ENOX2: variants seen among roughly 807,000 people sequenced by gnomAD.
ENOX2 encodes the protein APK1 antigen.
In ENOX2, 36 loss-of-function variants were observed where a neutral mutation model predicts 45.0. That is an observed-to-expected ratio of 0.80 (90% CI 0.61 to 1.06). The LOEUF (loss-of-function observed/expected upper bound fraction) is 1.06. Ranked by LOEUF, ENOX2 falls within the 50% of genes least tolerant of loss-of-function variation. The probability of loss-of-function intolerance (pLI) is 0.00; values close to 1 mark genes in which losing one functional copy is unlikely to be tolerated. For synonymous variants in ENOX2, 174 were observed against 152.3 expected (o/e 1.14, Z -1.05); for missense variants, 423 against 462.5 (o/e 0.91, Z 0.78).
intron 2 of ENOX2, among the ~76,000 whole-genome samples, chrX:130,875,897 AT>A (rs1450165704): frequency 8.9e-6 from 1 of 112,465 alleles, no homozygotes; most frequent in Non-Finnish European, 1.9e-5. Context: ...CAAAACCACA[AT>A]AAGACACCAC....
chrX:130,689,451 T>G (rs1041199842), intron 4 of ENOX2, among the ~76,000 whole-genome samples: 2 of 112,385 alleles, frequency 1.8e-5, no homozygotes, highest in Non-Finnish European at 3.8e-5. Flanking sequence ...GTCTACCATT[T>G]GCTTAGCAGG....
intron 3 of ENOX2, among the ~76,000 whole-genome samples, chrX:130,708,843 T>C (rs1342614679): frequency 1.8e-5 from 2 of 111,939 alleles, no homozygotes; most frequent in Admixed American, 9.5e-5. Flanking sequence ...TTTTGAGGGC[T>C]GAGTGTTAAA....
chrX:130,750,432 C>T (rs1341731954), intron 3 of ENOX2, among the ~76,000 whole-genome samples: 4 of 111,687 alleles, frequency 3.6e-5, no homozygotes, highest in Non-Finnish European at 7.5e-5. Flanking sequence ...GCCTGTCTGT[C>T]CACTTGTTTC....
chrX:130,669,475 C>A (rs974992240), intron 7 of ENOX2, among the ~76,000 whole-genome samples: 1 of 111,998 alleles, frequency 8.9e-6, no homozygotes, highest in African/African-American at 3.2e-5. Flanking sequence ...TTTGAGTCAT[C>A]TAAGAAGAAT....
intron 2 of ENOX2, among the ~76,000 whole-genome samples, chrX:130,844,303 T>C (rs1165536394): frequency 8.9e-6 from 1 of 111,853 alleles, no homozygotes; most frequent in Non-Finnish European, 1.9e-5. Context: ...TTGCCTGTCA[T>C]CCAGATGGCA....
At chrX:130,654,754 T>C (rs903883749) in intron 10 of ENOX2, among the ~76,000 whole-genome samples, 5 of 112,495 alleles carry the variant, frequency 4.4e-5, no homozygotes, top group Non-Finnish European at 9.4e-5. Context: ...CATCCTGGCA[T>C]GTGGAACAGG....
intron 2 of ENOX2, among the ~76,000 whole-genome samples, chrX:130,797,295 T>A (rs1219872672): frequency 9.0e-6 from 1 of 111,534 alleles, no homozygotes; most frequent in Non-Finnish European, 1.9e-5. Flanking sequence ...TTCCAAAAAA[T>A]GCCTTAAAGA....
At chrX:130,694,293 A>G (rs1405687837) in intron 4 of ENOX2, among the ~76,000 whole-genome samples, 1 of 112,010 alleles carries the variant, frequency 8.9e-6, no homozygotes, top group East Asian at 2.8e-4. Flanking sequence ...TAAACAGCCA[A>G]ACTAGACTGA....
At position 130,641,616 on chromosome X, in the gene ENOX2, C is replaced by T. The variant is rs761539996; in HGVS notation, c.1130-4206G>A. ...CCTGTAATCCCAGCTACTCAGGAGG[C>T]TGAGGCAGGATAATCGTTTGAATCT... On this transcript the variant is annotated intron_variant, in intron 10 of 14. Transcript: ENST00000394363. Among the ~76,000 whole-genome samples, 6 of 104,553 alleles carry T rather than the reference C, an allele frequency of 5.7e-5. No homozygotes were observed. In the East Asian group the frequency reaches 1.5e-3, roughly 26 times the overall value. The allele number at this position is 104,553 out of a possible 115,157, so 90.8% of individuals were successfully genotyped here. A position where few individuals can be genotyped will look rare whatever the true frequency, so the allele number is the denominator to read the frequency against.
chrX:130,705,199 A>G (rs1021271591), intron 3 of ENOX2, among the ~76,000 whole-genome samples: 2 of 112,114 alleles, frequency 1.8e-5, no homozygotes, highest in Non-Finnish European at 3.8e-5. Context: ...CTGGGACCCA[A>G]TGCCAAAAAT....
In ENOX2 at chrX:130,837,543, T is replaced by C. The variant is rs765818869; in HGVS notation, c.-182-53853A>G. Among the ~76,000 whole-genome samples the C allele has an allele frequency of 3.2e-3, 362 of 111,900 alleles. 1 individual carries two copies. Among genetic ancestry groups the C allele is most frequent in the Non-Finnish European group, 5.4e-3 (286 of 53,134 alleles). On this transcript the variant is annotated intron_variant, in intron 2 of 14. Transcript: ENST00000394363. ...AGTGGCATCTAGACATACTTAAACA[T>C]GTTCAGGACTGGAAAAGTCCTTGCT...
At chrX:130,746,239 C>CA (rs770269455) in intron 3 of ENOX2, among the ~76,000 whole-genome samples, 1 of 112,154 alleles carries the variant, frequency 8.9e-6, no homozygotes, top group Non-Finnish European at 1.9e-5. Context: ...ACACTGTACT[C>CA]ACCATTTTTC....
rs931705403 is a variant in ENOX2 at position 130,660,492 on chromosome X, G to T, written c.1015-3797C>A. On this transcript the variant is annotated intron_variant, in intron 9 of 14. Coordinates refer to ENST00000394363, the MANE Select transcript of ENOX2 (RefSeq NM_006375.4). ...CCTTCAGAGTGAAGGGCTGAAAGGT[G>T]ACATGAACCCCAGGAAGGCATTCTA... Among the ~76,000 whole-genome samples, 15 of 111,796 alleles carry T rather than the reference G, an allele frequency of 1.3e-4. No individual in the cohort carries two copies. The South Asian group carries it at 3.4e-3, about 26-fold the overall frequency.
intron 14 of ENOX2, 88 bp from the exon 15 acceptor site, chrX:130,625,533 G>T: frequency 1.0e-6 from 1 of 957,616 alleles, no homozygotes; most frequent in Non-Finnish European, 1.4e-6. Context: ...GAATGCTGAT[G>T]TGTCTGTGTG....
At chrX:130,892,805 A>T (rs2079004231) in intron 2 of ENOX2, among the ~76,000 whole-genome samples, 1 of 112,674 alleles carries the variant, frequency 8.9e-6, no homozygotes, top group Non-Finnish European at 1.9e-5. Flanking sequence ...GAGTTTGTTC[A>T]TCTAGTTAAT....
chrX:130,689,579 T>C (rs2037538286), intron 4 of ENOX2, among the ~76,000 whole-genome samples: 1 of 111,956 alleles, frequency 8.9e-6, no homozygotes, highest in African/African-American at 3.3e-5. Flanking sequence ...GATAAATAAC[T>C]ATTCTCTGTG....
intron 12 of ENOX2, 115 bp downstream of exon 12, chrX:130,634,869 C>T: frequency 2.5e-5 from 11 of 435,555 alleles, no homozygotes; most frequent in South Asian, 4.4e-5. Context: ...AATTCCCAAT[C>T]GGCCAAAAAT....
chrX:130,776,972 C>G (rs2039870929), intron 3 of ENOX2, among the ~76,000 whole-genome samples: 1 of 112,103 alleles, frequency 8.9e-6, no homozygotes, highest in African/African-American at 3.2e-5. Context: ...GCCTCCCATA[C>G]CACCAGGTGA....
At chrX:130,730,963 T>C (rs1420972272) in intron 3 of ENOX2, among the ~76,000 whole-genome samples, 1 of 111,199 alleles carries the variant, frequency 9.0e-6, no homozygotes, top group Non-Finnish European at 1.9e-5. Flanking sequence ...AGGGGTATAA[T>C]GAGGCATGTC....
Sources: gnomAD v4.1 joint callset for allele counts (sites outside exome capture counted in the v4.1 genomes callset) on GRCh38, gnomAD v4.1.1 for gene constraint, MANE v1.5 for transcripts, NCBI Gene and HGNC (gene_info 2026-07-23, HGNC 2026-07-21) for gene names.